CHAT: variants seen among roughly 807,000 people sequenced by gnomAD.
CHAT encodes the protein acetyl CoA:choline O-acetyltransferase.
In CHAT, 61 loss-of-function variants were observed where a neutral mutation model predicts 76.9. The observed-to-expected ratio is 0.79, with a 90% CI of 0.65 to 0.98. The LOEUF is 0.98. Ranked by LOEUF, CHAT falls within the 50% of genes least tolerant of loss-of-function variation. CHAT has a pLI of 0.00. For missense variants in CHAT, 946 were observed against 986.9 expected (o/e 0.96, Z 0.56); for synonymous variants, 407 against 397.4 (o/e 1.02, Z -0.29).
In CHAT at chr10:49,665,576, C is replaced by A. The variant is rs1235835890; in HGVS notation, c.*530C>A. On this transcript the variant is annotated 3_prime_UTR_variant, in exon 15 of 15. Coordinates refer to ENST00000337653, the MANE Select transcript of CHAT (RefSeq NM_020549.5). Reference sequence around the variant, plus strand: ...GGCATTCCCAGTGTCTCCACTGAGCCGTACAGTCCTACAAGCACCCACTCC... The same window carrying A: ...GGCATTCCCAGTGTCTCCACTGAGCAGTACAGTCCTACAAGCACCCACTCC... Among the ~76,000 whole-genome samples the A allele has an allele frequency of 1.3e-5, 2 of 151,994 alleles. No individual in the cohort carries two copies. The highest frequency in any genetic ancestry group is 4.8e-5 in the African/African-American group (2 of 41,360).
chr10:49,609,756 G>C (rs1412060343), upstream of CHAT, among the ~76,000 whole-genome samples: 2 of 152,180 alleles, frequency 1.3e-5, no homozygotes, highest in African/African-American at 2.4e-5. Flanking sequence ...GGGGCCAGGG[G>C]GCGGAGTCGG....
At chr10:49,624,987 G>A (rs1838865001) in intron 5 of CHAT, among the ~76,000 whole-genome samples, 1 of 152,022 alleles carries the variant, frequency 6.6e-6, no homozygotes, top group Non-Finnish European at 1.5e-5. Context: ...AGATGGATGG[G>A]TGGATGGATG....
At chr10:49,617,430 G>C (rs1048526706) in intron 2 of CHAT, among the ~76,000 whole-genome samples, 1 of 152,202 alleles carries the variant, frequency 6.6e-6, no homozygotes, top group African/African-American at 2.4e-5. Context: ...AGGAAACATG[G>C]AGTTTTGGAG....
At chr10:49,648,640 C>A (rs774487632) in intron 9 of CHAT, 33 bp downstream of exon 9, 8 of 1,499,766 alleles carry the variant, frequency 5.3e-6, no homozygotes, top group Non-Finnish European at 7.4e-6. Context: ...CCATGCTGGG[C>A]CCAAAAAAAT....
upstream of CHAT, chr10:49,610,974 G>A: frequency 6.2e-7 from 1 of 1,611,588 alleles, no homozygotes; most frequent in Non-Finnish European, 8.5e-7. Flanking sequence ...CCGAGGTGTG[G>A]GAGCCCACCC....
chr10:49,662,765 G>T lies in CHAT; in HGVS notation c.1960G>T (p.Val654Phe). ...DETYLMSNRFVLSTSQVPTTT... is the reference protein window; with the variant it reads ...DETYLMSNRFFLSTSQVPTTT... ...AACCTACCTGATGAGCAACCGGTTTGTCCTCTCCACTAGCCAGGTACGGCC... is the reference window on the plus strand; with the variant it reads ...AACCTACCTGATGAGCAACCGGTTTTTCCTCTCCACTAGCCAGGTACGGCC... Residue 654 changes from valine (V) to phenylalanine (F), a missense_variant, in exon 14 of 15, where the codon GTC (valine) becomes TTC (phenylalanine). Coordinates refer to ENST00000337653, the MANE Select transcript of CHAT (RefSeq NM_020549.5). The T allele has an allele frequency of 6.2e-7, 1 of 1,614,216 alleles. No individual in the cohort carries two copies. Among genetic ancestry groups the T allele is most frequent in the African/African-American group, 1.3e-5 (1 of 75,046 alleles).
At chr10:49,651,862 A>G in intron 10 of CHAT, 22 bp from the exon 11 acceptor site, 1 of 1,610,390 alleles carries the variant, frequency 6.2e-7, no homozygotes, top group South Asian at 1.1e-5. Flanking sequence ...CAATAAAAAC[A>G]TCTTTTCTTT....
upstream of CHAT, chr10:49,611,052 G>A (rs199561778): frequency 1.2e-5 from 19 of 1,613,914 alleles, no homozygotes; most frequent in Non-Finnish European, 1.5e-5. Flanking sequence ...CGACAGCTGC[G>A]TGGCCAGCGG....
intron 14 of CHAT, among the ~76,000 whole-genome samples, chr10:49,663,167 T>A (rs371743865): frequency 1.4e-4 from 22 of 152,068 alleles, no homozygotes; most frequent in African/African-American, 5.1e-4. Flanking sequence ...GAGGTGGAGA[T>A]TGCAGTGAGC....
At position 49,650,744 on chromosome 10, in the gene CHAT, A is replaced by G. The variant is rs1292663194; in HGVS notation, c.1511+1108A>G. Reference sequence around the variant, plus strand: ...GGAAGGGCACATGTGAGCAGGACAGAGTGTGGCCAGGCTGGGAAGCTGAAG... The same window carrying G: ...GGAAGGGCACATGTGAGCAGGACAGGGTGTGGCCAGGCTGGGAAGCTGAAG... On this transcript the variant is annotated intron_variant, in intron 10 of 14. Coordinates refer to ENST00000337653, the MANE Select transcript of CHAT (RefSeq NM_020549.5). Among the ~76,000 whole-genome samples the G allele has an allele frequency of 2.6e-5, 4 of 152,190 alleles. No homozygotes were observed. The East Asian group carries it at 7.7e-4, about 29-fold the overall frequency.
At chr10:49,648,630 C>A in intron 9 of CHAT, 23 bp downstream of exon 9, 3 of 1,530,942 alleles carry the variant, frequency 2.0e-6, no homozygotes, top group Non-Finnish European at 2.7e-6. Flanking sequence ...CCCAGGGCTG[C>A]CATGCTGGGC....
chr10:49,612,075 G>C, upstream of CHAT: 1 of 1,613,506 alleles, frequency 6.2e-7, no homozygotes, highest in Non-Finnish European at 8.5e-7. Flanking sequence ...TTGTGCACTC[G>C]CTGGGCTTTG....
rs1468185675 is a variant in CHAT at position 49,620,602 on chromosome 10, T to C, written c.687T>C (p.Asp229=). The C allele has an allele frequency of 1.2e-6, 2 of 1,612,436 alleles. No homozygotes were observed. The highest frequency in any genetic ancestry group is 1.3e-5 in the African/African-American group (1 of 74,888). Residue 229 remains aspartate (D), a synonymous_variant, in exon 4 of 15, where the codon GAT becomes GAC. Transcript: ENST00000337653. ...CTCGGCAGCACTTCCCTGGCACCGA[T>C]GACCAGCTGAGGTGAGGCCTTGGTG... ...IFARQHFPGT[D]DQLRFAASLI...
At chr10:49,643,419 C>T (rs905897816) in intron 7 of CHAT, among the ~76,000 whole-genome samples, 4 of 152,206 alleles carry the variant, frequency 2.6e-5, no homozygotes, top group African/African-American at 9.7e-5. Flanking sequence ...CATGCCTCTC[C>T]CTTCTTCTTT....
chr10:49,614,476 G>T lies in CHAT; in HGVS notation c.286+1G>T. 6.5e-7 allele frequency: 1 copy of T among 1,545,338 alleles called. No individual in the cohort carries two copies. Among genetic ancestry groups the T allele is most frequent in the Non-Finnish European group, 8.7e-7 (1 of 1,146,886 alleles). ...GAGGCAGCAGAGCCGAGGAGAGCAG[G>T]TGAGAAGAAGGGCTGGGCTGGGCTG... is the stretch of plus-strand genomic sequence containing the variant. On this transcript the variant is annotated splice_donor_variant, in intron 1 of 14. Transcript: ENST00000337653. LOFTEE classifies it high-confidence loss of function.
Position 49,622,124 on chromosome 10 carries a change from A to T in CHAT, c.726A>T (p.Val242=). 7.2e-7 allele frequency: 1 copy of T among 1,395,520 alleles called. No individual in the cohort carries two copies. Among genetic ancestry groups the T allele is most frequent in the Non-Finnish European group, 9.5e-7 (1 of 1,056,308 alleles). The allele number at this position is 1,395,520 out of a possible 1,614,324, so 86.4% of individuals were successfully genotyped here. A position where few individuals can be genotyped will look rare whatever the true frequency, so the allele number is the denominator to read the frequency against. ...TTGCAGCCAGCCTCATCTCTGGTGT[A>T]CTCAGCTACAAGGCCCTGCTGGACA... The part of the protein sequence containing the change: ...LRFAASLISG[V]LSYKALLDSH... The change falls in exon 5 of 15, where the codon GTA becomes GTT. Residue 242 remains valine (V), a synonymous_variant. Coordinates refer to ENST00000337653, the MANE Select transcript of CHAT (RefSeq NM_020549.5).
At chr10:49,616,306 C>A (rs1311898919) in intron 1 of CHAT, among the ~76,000 whole-genome samples, 196 bp from the exon 2 acceptor site, 1 of 152,120 alleles carries the variant, frequency 6.6e-6, no homozygotes, top group Non-Finnish European at 1.5e-5. Flanking sequence ...TATGGGGGCC[C>A]AGAGAGAACA....
Position 49,620,481 on chromosome 10 carries a change from G to A in CHAT, c.580-14G>A. 6.3e-7 allele frequency: 1 copy of A among 1,593,598 alleles called. No individual in the cohort carries two copies. The highest frequency in any genetic ancestry group is 8.6e-7 in the Non-Finnish European group (1 of 1,162,334). On this transcript the variant is annotated splice_polypyrimidine_tract_variant and intron_variant, in intron 3 of 14. Transcript: ENST00000337653. ...TTGGGGGGATGTGACGGCCTTCCCT[G>A]CCCTCCCCGGCAGGTGTCTGAGTAC... is the stretch of plus-strand genomic sequence containing the variant.
At chr10:49,620,415 A>C in intron 3 of CHAT, 80 bp from the exon 4 acceptor site, 1 of 924,922 alleles carries the variant, frequency 1.1e-6, no homozygotes, top group South Asian at 1.3e-5. Flanking sequence ...GCTCTGGTGA[A>C]GTGTCCCGAT....
Sources: allele counts gnomAD v4.1 joint callset (sites outside exome capture counted in the v4.1 genomes callset), GRCh38; gene constraint gnomAD v4.1.1; transcripts MANE v1.5; gene names NCBI Gene and HGNC (gene_info 2026-07-23, HGNC 2026-07-21).